The following KCNMB2 variants were observed in gnomAD, a reference collection of about 807,000 sequenced individuals.
KCNMB2 encodes the protein calcium-activated potassium channel subunit beta-2.
Under a neutral mutation model 24.5 loss-of-function variants are expected in KCNMB2, and 9 were observed. The observed-to-expected ratio is 0.37, with a 90% CI of 0.22 to 0.64. The LOEUF is 0.64. KCNMB2 is among the 30% of genes least tolerant of loss of function. The probability of loss-of-function intolerance (pLI) is 0.63; values close to 1 mark genes in which losing one functional copy is unlikely to be tolerated. For missense variants in KCNMB2, 226 were observed against 284.3 expected (o/e 0.79, Z 1.47); for synonymous variants, 109 against 104.4 (o/e 1.04, Z -0.27).
chr3:178,788,938 T>C (rs1713214647), intron 1 of KCNMB2, among the ~76,000 whole-genome samples: 1 of 152,208 alleles, frequency 6.6e-6, no homozygotes, highest in South Asian at 2.1e-4. Flanking sequence ...GCCACCTAGC[T>C]AAAAGTTCAG....
At chr3:178,547,132 G>A (rs1172151356) in intron 1 of KCNMB2, among the ~76,000 whole-genome samples, 19 of 152,148 alleles carry the variant, frequency 1.2e-4, no homozygotes, top group Admixed American at 1.2e-3. Context: ...GTGGAAGTGG[G>A]TCCCTAATAA....
At chr3:178,794,894 C>A (rs1356553466) in intron 1 of KCNMB2, among the ~76,000 whole-genome samples, 1 of 152,106 alleles carries the variant, frequency 6.6e-6, no homozygotes, top group African/African-American at 2.4e-5. Flanking sequence ...TGCTTGCATC[C>A]ATCATACTCC....
At chr3:178,776,458 A>C (rs746932006) in intron 1 of KCNMB2, among the ~76,000 whole-genome samples, 9 of 152,166 alleles carry the variant, frequency 5.9e-5, no homozygotes, top group Non-Finnish European at 1.2e-4. Flanking sequence ...TATCCTCAAC[A>C]TTACCTTCAC....
At position 178,595,358 on chromosome 3, in the gene KCNMB2, G is replaced by A. The variant is rs181974787; in HGVS notation, c.-68+58647G>A. Among the ~76,000 whole-genome samples, 79 of 152,212 alleles carry A rather than the reference G, an allele frequency of 5.2e-4. 1 individual carries two copies. The highest frequency in any genetic ancestry group is 4.9e-3 in the Admixed American group (75 of 15,270). ...GGTCATCATGGTTTGAATCCTGGTA[G>A]TCCAAGTGACTGCTCCTCTTCAACT... On this transcript the variant is annotated intron_variant, in intron 1 of 4. Transcript: ENST00000452583.
intron 2 of KCNMB2, among the ~76,000 whole-genome samples, chr3:178,820,962 G>C (rs1050865971): frequency 6.6e-6 from 1 of 152,124 alleles, no homozygotes; most frequent in African/African-American, 2.4e-5. Context: ...CTTAAATATG[G>C]TGCTTTGCCA....
chr3:178,757,306 A>C (rs1237746058), intron 1 of KCNMB2, among the ~76,000 whole-genome samples: 3 of 123,708 alleles, frequency 2.4e-5, no homozygotes, highest in African/African-American at 8.9e-5. Flanking sequence ...ATATATATAT[A>C]TCCATCCAAG....
At chr3:178,675,628 C>G (rs1226667865) in intron 1 of KCNMB2, among the ~76,000 whole-genome samples, 1 of 152,132 alleles carries the variant, frequency 6.6e-6, no homozygotes, top group African/African-American at 2.4e-5. Context: ...GATCAATGTT[C>G]ACATGTTTTC....
At chr3:178,807,592 A>G in intron 2 of KCNMB2, 127 bp downstream of exon 2, 1 of 733,308 alleles carries the variant, frequency 1.4e-6, no homozygotes, top group South Asian at 1.8e-5. Flanking sequence ...ACTCTACAGT[A>G]CAGGAGTAGG....
At chr3:178,636,302 T>C (rs1048271890) in intron 1 of KCNMB2, among the ~76,000 whole-genome samples, 1 of 152,152 alleles carries the variant, frequency 6.6e-6, no homozygotes, top group Admixed American at 6.5e-5. Context: ...ATGCAGTGTA[T>C]ACTGCTCGGG....
chr3:178,807,518 C>A, intron 2 of KCNMB2, 53 bp downstream of exon 2: 2 of 1,458,792 alleles, frequency 1.4e-6, no homozygotes, highest in Non-Finnish European at 1.9e-6. Flanking sequence ...CCTGACTCTC[C>A]AAAGAGGATA....
chr3:178,795,485 C>G (rs958694466), intron 1 of KCNMB2, among the ~76,000 whole-genome samples: 1 of 152,118 alleles, frequency 6.6e-6, no homozygotes, highest in African/African-American at 2.4e-5. Context: ...TGAGTCCTTG[C>G]AGTTTAAGAG....
At chr3:178,771,867 C>A (rs1405107342) in intron 1 of KCNMB2, among the ~76,000 whole-genome samples, 1 of 152,098 alleles carries the variant, frequency 6.6e-6, no homozygotes, top group Non-Finnish European at 1.5e-5. Flanking sequence ...GATTCCTTAT[C>A]TCTTTATCTC....
rs1367202729 is a variant in KCNMB2, at chr3:178,536,439, A to G, written c.-340A>G. ...TACCTCCTGCACGCTTTAAAACAGT[A>G]TGAAGCAGCTTTAACGGAGCTCCAG... On this transcript the variant is annotated 5_prime_UTR_variant, in exon 1 of 5. It removes an upstream start codon present in the reference 5' UTR. Coordinates refer to ENST00000452583, the MANE Select transcript of KCNMB2 (RefSeq NM_181361.3). 6.6e-6 allele frequency: 1 copy of G among 152,266 alleles called. No homozygotes were observed. Among genetic ancestry groups the G allele is most frequent in the East Asian group, 1.9e-4 (1 of 5,202 alleles). 9.4% of individuals were successfully genotyped at this position (152,266 alleles called of 1,614,324 possible).
intron 1 of KCNMB2, among the ~76,000 whole-genome samples, chr3:178,753,863 CCAT>C (rs1221589716): frequency 6.6e-6 from 1 of 151,912 alleles, no homozygotes; most frequent in Non-Finnish European, 1.5e-5. Flanking sequence ...ACTATAATCA[CCAT>C]GTCGTAGGAT....
At chr3:178,659,233 A>T (rs571102306) in intron 1 of KCNMB2, among the ~76,000 whole-genome samples, 14 of 152,360 alleles carry the variant, frequency 9.2e-5, no homozygotes, top group African/African-American at 3.1e-4. Context: ...CAGAAGCATT[A>T]TATTATGCAA....
intron 4 of KCNMB2, among the ~76,000 whole-genome samples, chr3:178,834,311 T>C (rs1715148056): frequency 6.6e-6 from 1 of 152,208 alleles, no homozygotes; most frequent in Non-Finnish European, 1.5e-5. Context: ...ATTCACTAAC[T>C]AATTATGTCT....
At chr3:178,690,361 G>A (rs559532512) in intron 1 of KCNMB2, among the ~76,000 whole-genome samples, 2 of 151,932 alleles carry the variant, frequency 1.3e-5, no homozygotes, top group African/African-American at 4.8e-5. Flanking sequence ...TGGGACAAAG[G>A]TTAGATATGC....
chr3:178,607,118 C>CGAGTGTTATTTCCACTGGAGCA (rs1448163976), intron 1 of KCNMB2, among the ~76,000 whole-genome samples: 7 of 152,236 alleles, frequency 4.6e-5, no homozygotes, highest in Non-Finnish European at 7.3e-5. Context: ...AGATTTAGGA[C>CGAGTGTTATTTCCACTGGAGCA]GAGTGTTATT....
intron 1 of KCNMB2, among the ~76,000 whole-genome samples, chr3:178,737,549 A>G (rs1011974160): frequency 2.0e-5 from 3 of 152,210 alleles, no homozygotes; most frequent in Non-Finnish European, 4.4e-5. Context: ...AAACTTGTCT[A>G]TAATATCAAA....
Sources: gnomAD v4.1 joint callset for allele counts (sites outside exome capture counted in the v4.1 genomes callset) on GRCh38, gnomAD v4.1.1 for gene constraint, MANE v1.5 for transcripts, NCBI Gene and HGNC (gene_info 2026-07-23, HGNC 2026-07-21) for gene names.